ZPBP: variants seen among roughly 807,000 people sequenced by gnomAD.
The protein encoded by ZPBP is zona pellucida-binding protein 1.
Under a neutral mutation model 44.8 loss-of-function variants are expected in ZPBP, and 26 were observed. The ratio of observed to expected loss-of-function variants is 0.58; its 90% CI spans 0.43 to 0.81. The LOEUF (loss-of-function observed/expected upper bound fraction) is 0.81, where lower values mean the gene tolerates loss of function less well. Among genes scored for constraint, ZPBP ranks in the 30% least tolerant of loss-of-function variants. The pLI is 0.00. For missense variants in ZPBP, 409 were observed against 434.0 expected, an observed-to-expected ratio of 0.94 and a Z score of 0.51; for synonymous variants, 174 against 153.2, an observed-to-expected ratio of 1.14 and a Z score of -1.00.
At chr7:49,897,171 AG>A (rs1322062697) in intron 2 of ZPBP, among the ~76,000 whole-genome samples, 3 of 152,184 alleles carry the variant, frequency 2.0e-5, no homozygotes, top group African/African-American at 7.2e-5. Context: ...CTGGGATTAC[AG>A]GCGTGAGCCA....
In ZPBP at chr7:49,874,308, T is replaced by C. The variant is rs144638697; in HGVS notation, n.510-23794A>G. 2.8e-3 allele frequency among the ~76,000 whole-genome samples: 425 copies of C among 152,326 alleles called. 1 individual carries two copies. The highest frequency in any genetic ancestry group is 4.8e-3 in the Non-Finnish European group (328 of 68,020). On this transcript the variant is annotated intron_variant and non_coding_transcript_variant, in intron 2 of 2. Coordinates refer to the ZPBP transcript ENST00000465922. ...ACTCTACCTTTTCTATGGTTAGATA[T>C]GTTTAGATACACAAATCTTTACCAT... is the stretch of plus-strand genomic sequence containing the variant.
At chr7:49,895,814 T>C (rs897452261) in intron 2 of ZPBP, among the ~76,000 whole-genome samples, 1 of 152,196 alleles carries the variant, frequency 6.6e-6, no homozygotes, top group African/African-American at 2.4e-5. Context: ...CAATGTTAAT[T>C]AATTAAGATT....
chr7:49,981,695 A>ATAT (rs1554361173), intron 7 of ZPBP, among the ~76,000 whole-genome samples: 712 of 42,272 alleles, frequency 0.017, 227 homozygotes, highest in African/African-American at 0.1. Flanking sequence ...TAATATATAT[A>ATAT]ATTATATATA....
intron 6 of ZPBP, 37 bp from the exon 7 acceptor site, chr7:49,983,556 T>C (rs778799961): frequency 2.2e-6 from 3 of 1,336,708 alleles, no homozygotes; most frequent in Admixed American, 2.1e-5. Context: ...CTGTTAGCCA[T>C]AAAAAATGTA....
chr7:49,981,617 T>TAATTA lies in ZPBP; in HGVS notation c.961+1724_961+1725insTAATT, dbSNP rs1269231447. On this transcript the variant is annotated intron_variant, in intron 7 of 7. Transcript: ENST00000046087. ...TAATTATATAAATTATATAATTATA[T>TAATTA]TATATTATATTATATTATATATTAT... Among the ~76,000 whole-genome samples the TAATTA allele has an allele frequency of 8.0e-4, 16 of 19,904 alleles. 5 individuals are homozygous for TAATTA. Among genetic ancestry groups the TAATTA allele is most frequent in the African/African-American group, 5.6e-3 (14 of 2,516 alleles). 13.1% of individuals were successfully genotyped at this position (19,904 alleles called of 152,430 possible).
chr7:49,918,925 G>C (rs1025053375), intron 1 of ZPBP: 1 of 152,080 alleles, frequency 6.6e-6, no homozygotes, highest in Non-Finnish European at 1.5e-5. Flanking sequence ...CCTGGGCATG[G>C]TGGCACATGC....
chr7:50,036,532 C>T (rs1799834805), intron 4 of ZPBP, among the ~76,000 whole-genome samples: 1 of 152,124 alleles, frequency 6.6e-6, no homozygotes, highest in African/African-American at 2.4e-5. Context: ...CACAAAACTT[C>T]AACATTGTAA....
chr7:49,900,785 C>T (rs1268832681), intron 2 of ZPBP, among the ~76,000 whole-genome samples: 1 of 151,674 alleles, frequency 6.6e-6, no homozygotes, highest in African/African-American at 2.4e-5. Flanking sequence ...ACCCTATTAC[C>T]AAACCAGACA....
At chr7:49,944,007 G>A in intron 7 of ZPBP, 1 of 278,330 alleles carries the variant, frequency 3.6e-6, no homozygotes, top group Admixed American at 4.7e-5. Flanking sequence ...GTGACATAGG[G>A]CCAAATGTAG....
At chr7:50,066,598 G>C (rs1371198973) in intron 3 of ZPBP, among the ~76,000 whole-genome samples, 1 of 152,162 alleles carries the variant, frequency 6.6e-6, no homozygotes, top group Non-Finnish European at 1.5e-5. Context: ...ATTCCTCTGG[G>C]CATAGACATT....
intron 4 of ZPBP, among the ~76,000 whole-genome samples, chr7:50,035,561 T>C (rs1256546578): frequency 6.6e-6 from 1 of 152,196 alleles, no homozygotes; most frequent in Non-Finnish European, 1.5e-5. Flanking sequence ...ATAGTCAAAG[T>C]ACTGTTAGAA....
intron 2 of ZPBP, among the ~76,000 whole-genome samples, chr7:49,880,032 T>G (rs1211427070): frequency 6.6e-6 from 1 of 152,174 alleles, no homozygotes; most frequent in East Asian, 1.9e-4. Context: ...GGAGCATCAT[T>G]TTCTCCCAAC....
chr7:49,984,433 T>C (rs1797156799), intron 6 of ZPBP, among the ~76,000 whole-genome samples: 1 of 152,246 alleles, frequency 6.6e-6, no homozygotes, highest in African/African-American at 2.4e-5. Context: ...CAGTGGTTCA[T>C]AACCTTTTTG....
chr7:49,853,579 T>A lies in ZPBP; in HGVS notation n.510-3065A>T, dbSNP rs368200063. Among the ~76,000 whole-genome samples the A allele has an allele frequency of 3.8e-4, 58 of 152,218 alleles. No homozygotes were observed. In the East Asian group the frequency reaches 7.2e-3, roughly 19 times the overall value. ...GTAGACTATAAACCCTATAATGAGA[T>A]TAAATGAAAGAATTTACATAAAGTA... On this transcript the variant is annotated intron_variant and non_coding_transcript_variant, in intron 2 of 2. Transcript: ENST00000465922.
chr7:49,971,011 T>C (rs943853142), intron 7 of ZPBP, among the ~76,000 whole-genome samples: 5 of 151,992 alleles, frequency 3.3e-5, no homozygotes, highest in Middle Eastern at 3.2e-3. Context: ...GTCACTGTAG[T>C]CCAGCCTCAC....
chr7:49,878,616 C>T (rs1791544142), intron 2 of ZPBP, among the ~76,000 whole-genome samples: 1 of 152,130 alleles, frequency 6.6e-6, no homozygotes, highest in African/African-American at 2.4e-5. Context: ...TATATAATGA[C>T]ATTCCAAGTT....
In ZPBP at chr7:49,877,481, A is replaced by AAAAATATACATAT; in HGVS notation, n.509+23636_509+23637insATATGTATATTTT. ...CTGTCTCAAAAAAAAAAAAAAAAAA[A>AAAAATATACATAT]ATATATATATATATATATATATATA... On this transcript the variant is annotated intron_variant and non_coding_transcript_variant, in intron 2 of 2. Coordinates refer to the ZPBP transcript ENST00000465922. Among the ~76,000 whole-genome samples, 88 of 12,728 alleles carry AAAAATATACATAT rather than the reference A, an allele frequency of 6.9e-3. 18 individuals carry two copies. The highest frequency in any genetic ancestry group is 9.8e-3 in the Admixed American group (7 of 714). The allele number at this position is 12,728 out of a possible 152,430, so 8.4% of individuals were successfully genotyped here. A position where few individuals can be genotyped will look rare whatever the true frequency, so the allele number is the denominator to read the frequency against.
intron 2 of ZPBP, among the ~76,000 whole-genome samples, chr7:50,083,267 T>C (rs1172950818): frequency 6.6e-6 from 1 of 151,842 alleles, no homozygotes; most frequent in South Asian, 2.1e-4. Context: ...ATTAAACCAT[T>C]TTATAGGAAG....
rs1238643811 is a variant in ZPBP, at chr7:50,043,586, T to C, written c.488-12276A>G. 1.3e-5 allele frequency among the ~76,000 whole-genome samples: 2 copies of C among 152,156 alleles called. 1 individual carries two copies. Among genetic ancestry groups the C allele is most frequent in the African/African-American group, 4.8e-5 (2 of 41,442 alleles). ...ATATCAAAAAAGACAAAGAAGGGCATTACATAATAGTAAGGGGATCAATGC... is the reference window on the plus strand; with the variant it reads ...ATATCAAAAAAGACAAAGAAGGGCACTACATAATAGTAAGGGGATCAATGC... On this transcript the variant is annotated intron_variant, in intron 4 of 7. Transcript: ENST00000046087.
Sources: allele counts gnomAD v4.1 joint callset (sites outside exome capture counted in the v4.1 genomes callset), GRCh38; gene constraint gnomAD v4.1.1; transcripts MANE v1.5; gene names NCBI Gene and HGNC (gene_info 2026-07-23, HGNC 2026-07-21).